Variants in KIAA1549L observed in about 807,000 individuals in gnomAD.
The protein encoded by KIAA1549L is UPF0606 protein KIAA1549L.
Under a neutral mutation model 160.7 loss-of-function variants are expected in KIAA1549L, and 88 were observed. The observed-to-expected ratio is 0.55, with a 90% CI of 0.46 to 0.65. KIAA1549L has a LOEUF of 0.65. KIAA1549L is among the 30% of genes least tolerant of loss of function. KIAA1549L has a pLI of 0.00. For missense variants in KIAA1549L, 2,258 were observed against 2,437.5 expected (o/e 0.93, Z 1.55); for synonymous variants, 950 against 976.7 (o/e 0.97, Z 0.51).
chr11:33,447,390 T>A (rs1020489660), intron 1 of KIAA1549L, among the ~76,000 whole-genome samples: 3 of 152,156 alleles, frequency 2.0e-5, no homozygotes, highest in African/African-American at 4.8e-5. Flanking sequence ...CATAAATGAA[T>A]GAAAACTATT....
chr11:33,451,144 G>A (rs189084144), intron 1 of KIAA1549L, among the ~76,000 whole-genome samples: 2 of 152,288 alleles, frequency 1.3e-5, no homozygotes, highest in East Asian at 3.9e-4. Context: ...CAGACCCTCA[G>A]GTTTGTAGAT....
intron 17 of KIAA1549L, among the ~76,000 whole-genome samples, 186 bp from the exon 18 acceptor site, chr11:33,655,826 G>A (rs1412212715): frequency 6.6e-6 from 1 of 152,212 alleles, no homozygotes; most frequent in Non-Finnish European, 1.5e-5. Flanking sequence ...GCCCCAGCGA[G>A]AGTGGTGGGA....
intron 1 of KIAA1549L, among the ~76,000 whole-genome samples, chr11:33,505,306 G>A (rs1853055242): frequency 1.3e-5 from 2 of 152,200 alleles, no homozygotes; most frequent in Non-Finnish European, 2.9e-5. Flanking sequence ...TTAGTTGGTT[G>A]TCAGGAGAAT....
intron 1 of KIAA1549L, among the ~76,000 whole-genome samples, chr11:33,491,017 C>T (rs1476177409): frequency 6.6e-6 from 1 of 152,186 alleles, no homozygotes; most frequent in Non-Finnish European, 1.5e-5. Flanking sequence ...ATCTGTCATT[C>T]CTCTTACGTT....
chr11:33,654,207 C>T (rs948527714), intron 17 of KIAA1549L, among the ~76,000 whole-genome samples: 8 of 151,574 alleles, frequency 5.3e-5, no homozygotes, highest in South Asian at 4.2e-4. Flanking sequence ...CTTCTGACAT[C>T]GTGATCTGCC....
chr11:33,560,799 G>A (rs570112688), intron 7 of KIAA1549L, among the ~76,000 whole-genome samples: 121 of 152,136 alleles, frequency 8.0e-4, no homozygotes, highest in Middle Eastern at 6.8e-3. Context: ...AAGATAATAC[G>A]CGTGAATGTA....
intron 4 of KIAA1549L, 57 bp downstream of exon 4, chr11:33,547,936 G>A: frequency 9.0e-7 from 1 of 1,110,940 alleles, no homozygotes; most frequent in South Asian, 1.3e-5. Flanking sequence ...CTTGGGTCTA[G>A]AATATGTTTA....
Position 33,609,791 on chromosome 11 carries a change from C to A in KIAA1549L, c.5104C>A (p.Arg1702=), listed in dbSNP as rs753364276. The part of the protein sequence containing the change: ...LKQKSDIEHY[R]NKLRLKAKRK... ...GCAGAAGTCAGACATCGAGCACTAT[C>A]GGAACAAGCTGCGCCTCAAAGCCAA... Residue 1702 remains arginine, a synonymous_variant, in exon 15 of 21, where the codon CGG becomes AGG. Transcript: ENST00000658780. 4.3e-6 allele frequency: 7 copies of A among 1,612,602 alleles called. No individual in the cohort carries two copies. The South Asian group carries it at 6.6e-5, about 15-fold the overall frequency.
chr11:33,565,459 A>T (rs1000360940), intron 8 of KIAA1549L, among the ~76,000 whole-genome samples: 2 of 152,124 alleles, frequency 1.3e-5, no homozygotes, highest in South Asian at 4.1e-4. Context: ...GTAGATTATG[A>T]TCCCTGTGTT....
intron 1 of KIAA1549L, among the ~76,000 whole-genome samples, chr11:33,402,817 CT>C (rs149771907): frequency 0.041 from 6,285 of 152,258 alleles, 402 homozygotes; most frequent in African/African-American, 0.14. Flanking sequence ...GCCACCCCCC[CT>C]AGCTTCCGAA....
In KIAA1549L at chr11:33,545,301, C is replaced by T. The variant is rs201708570; in HGVS notation, c.3308C>T (p.Ser1103Leu). The change falls in exon 3 of 21, where the codon TCG becomes TTG. Residue 1103 changes from serine (S) to leucine (L), a missense_variant. By Grantham distance (145) the Ser-to-Leu change is moderately radical. Coordinates refer to ENST00000658780, the MANE Select transcript of KIAA1549L (RefSeq NM_012194.3). ...ENTDAVLPAA[S>L]AAVVTTGKMA... Reference sequence around the variant, plus strand: ...ACAGATGCTGTCCTTCCTGCTGCATCGGCTGCAGTGGTCACGACTGGCAAA... The same window carrying T: ...ACAGATGCTGTCCTTCCTGCTGCATTGGCTGCAGTGGTCACGACTGGCAAA... 6.2e-6 allele frequency: 10 copies of T among 1,613,824 alleles called. No homozygotes were observed. Among genetic ancestry groups the T allele is most frequent in the South Asian group, 1.1e-5 (1 of 91,080 alleles).
intron 13 of KIAA1549L, among the ~76,000 whole-genome samples, chr11:33,600,827 A>G (rs553875596): frequency 1.3e-5 from 2 of 152,316 alleles, no homozygotes; most frequent in East Asian, 1.9e-4. Flanking sequence ...AAACTGTGCC[A>G]TACAAAGCTC....
intron 11 of KIAA1549L, among the ~76,000 whole-genome samples, chr11:33,584,155 C>G (rs1040811699): frequency 6.6e-6 from 1 of 152,228 alleles, no homozygotes; most frequent in Admixed American, 6.5e-5. Flanking sequence ...CTCTGACCAT[C>G]CTGGCACCTT....
At chr11:33,380,982 A>G (rs1850063710) in intron 1 of KIAA1549L, among the ~76,000 whole-genome samples, 1 of 151,948 alleles carries the variant, frequency 6.6e-6, no homozygotes, top group African/African-American at 2.4e-5. Flanking sequence ...AGTAATGAAC[A>G]AAAACAAGGC....
At position 33,559,930 on chromosome 11, in the gene KIAA1549L, A is replaced by G. The variant is rs752298292; in HGVS notation, c.4018+19A>G. ...GCTGAACGTGAGTATGGCCATGCCT[A>G]TGGGGACCCCAGTGTTTCCCCTGTG... On this transcript the variant is annotated intron_variant, in intron 7 of 20. Coordinates refer to ENST00000658780, the MANE Select transcript of KIAA1549L (RefSeq NM_012194.3). 8.7e-6 allele frequency: 14 copies of G among 1,609,300 alleles called. No homozygotes were observed. The highest frequency in any genetic ancestry group is 6.6e-5 in the South Asian group (6 of 90,984).
intron 1 of KIAA1549L, among the ~76,000 whole-genome samples, chr11:33,475,484 G>A (rs760063077): frequency 6.6e-6 from 1 of 151,846 alleles, no homozygotes; most frequent in Non-Finnish European, 1.5e-5. Flanking sequence ...TTGAGCCCAG[G>A]AGTTCGAGGT....
intron 1 of KIAA1549L, among the ~76,000 whole-genome samples, chr11:33,461,260 A>G (rs1218462137): frequency 1.3e-5 from 2 of 152,130 alleles, no homozygotes; most frequent in African/African-American, 2.4e-5. Flanking sequence ...AATGGTATCT[A>G]TTATGTATTG....
At chr11:33,445,763 A>G (rs1374370736) in intron 1 of KIAA1549L, among the ~76,000 whole-genome samples, 1 of 152,200 alleles carries the variant, frequency 6.6e-6, no homozygotes, top group Non-Finnish European at 1.5e-5. Context: ...ACTGAATAAG[A>G]TAACAGATGT....
rs935977182 is a variant in KIAA1549L, at chr11:33,445,636, C to T, written c.238+68747C>T. Among the ~76,000 whole-genome samples the T allele has an allele frequency of 2.0e-5, 3 of 152,316 alleles. No homozygotes were observed. The East Asian group carries it at 5.8e-4, about 29-fold the overall frequency. ...AAGAATGATATGTTGGACTCAAATT[C>T]TTGGGTCCAAAGTCTGGCTCTGTTA... On this transcript the variant is annotated intron_variant, in intron 1 of 20. Transcript: ENST00000658780.
Sources: allele counts gnomAD v4.1 joint callset (sites outside exome capture counted in the v4.1 genomes callset), GRCh38; gene constraint gnomAD v4.1.1; transcripts MANE v1.5; gene names NCBI Gene and HGNC (gene_info 2026-07-23, HGNC 2026-07-21).